EYA1: variants seen among roughly 807,000 people sequenced by gnomAD.
The protein encoded by EYA1 is protein phosphatase EYA1.
Under a neutral mutation model 82.0 loss-of-function variants are expected in EYA1, and 16 were observed. The ratio of observed to expected loss-of-function variants is 0.20; its 90% CI spans 0.13 to 0.30. The LOEUF (loss-of-function observed/expected upper bound fraction) is 0.30, where lower values mean the gene tolerates loss of function less well. Ranked by LOEUF, EYA1 falls within the 10% of genes least tolerant of loss-of-function variation. EYA1 has a pLI of 1.00. For missense variants in EYA1, 633 were observed against 730.7 expected, an observed-to-expected ratio of 0.87 and a Z score of 1.54; for synonymous variants, 261 against 264.4, an observed-to-expected ratio of 0.99 and a Z score of 0.12.
chr8:71,235,611 A>T (rs748086462), intron 12 of EYA1, among the ~76,000 whole-genome samples: 1 of 152,170 alleles, frequency 6.6e-6, no homozygotes, highest in Non-Finnish European at 1.5e-5. Flanking sequence ...TTTTGTTTAC[A>T]TACTGTTTAT....
rs1040803850 is a variant in EYA1 at position 71,334,001 on chromosome 8, A to T, written c.202+96T>A. The T allele has an allele frequency of 8.2e-5, 69 of 836,966 alleles. No homozygotes were observed. In the African/African-American group the frequency reaches 1.1e-3, roughly 13 times the overall value. The allele number at this position is 836,966 out of a possible 1,614,324, so 51.8% of individuals were successfully genotyped here. A position where few individuals can be genotyped will look rare whatever the true frequency, so the allele number is the denominator to read the frequency against. On this transcript the variant is annotated intron_variant, in intron 4 of 17. Coordinates refer to ENST00000340726, the MANE Select transcript of EYA1 (RefSeq NM_000503.6). ...TACGTATATACCCACATATATACAC[A>T]TATACATGTATACATATACATACAC...
intron 2 of EYA1, among the ~76,000 whole-genome samples, chr8:71,527,956 C>G (rs1813942783): frequency 6.6e-6 from 1 of 152,136 alleles, no homozygotes; most frequent in African/African-American, 2.4e-5. Context: ...TACCAGATTT[C>G]TTTAAGTATT....
chr8:71,361,927 GA>G lies in EYA1; in HGVS notation c.-336del, dbSNP rs926949821. 50 of 985,466 alleles carry G rather than the reference GA, an allele frequency of 5.1e-5. No individual in the cohort carries two copies. The highest frequency in any genetic ancestry group is 3.3e-4 in the South Asian group (7 of 21,292). The allele number at this position is 985,466 out of a possible 1,614,324, so 61.0% of individuals were successfully genotyped here. A position where few individuals can be genotyped will look rare whatever the true frequency, so the allele number is the denominator to read the frequency against. On this transcript the variant is annotated 5_prime_UTR_variant, in exon 1 of 18. It removes the in-frame stop codon of an upstream open reading frame in the 5' UTR. Transcript: ENST00000340726. ...AACCCGCCACAGTGGACGGCAACAGGAAGGCTTAAAGTCGGAAGTGGCACTG... is the reference window on the plus strand; with the variant it reads ...AACCCGCCACAGTGGACGGCAACAGGAGGCTTAAAGTCGGAAGTGGCACTG...
intron 2 of EYA1, among the ~76,000 whole-genome samples, chr8:71,420,353 C>T (rs1831080151): frequency 6.6e-6 from 1 of 152,170 alleles, no homozygotes; most frequent in East Asian, 1.9e-4. Flanking sequence ...TTTATCATTG[C>T]TTACAAAGCA....
chr8:71,463,632 TCCCTCC>T (rs1808566800), intron 2 of EYA1, among the ~76,000 whole-genome samples: 1 of 32,440 alleles, frequency 3.1e-5, no homozygotes, highest in Admixed American at 3.9e-4. Flanking sequence ...TCTCTCTCTC[TCCCTCC>T]CTCCCCCCTC....
At chr8:71,467,917 G>A (rs995605264) in intron 2 of EYA1, among the ~76,000 whole-genome samples, 1 of 152,018 alleles carries the variant, frequency 6.6e-6, no homozygotes, top group Non-Finnish European at 1.5e-5. Flanking sequence ...GATTTACTAA[G>A]TCTCGGTTCA....
intron 2 of EYA1, among the ~76,000 whole-genome samples, chr8:71,403,200 C>T (rs1369301241): frequency 6.6e-6 from 1 of 152,118 alleles, no homozygotes; most frequent in Non-Finnish European, 1.5e-5. Flanking sequence ...AGCAAATCTC[C>T]ACACTTGATT....
intron 2 of EYA1, among the ~76,000 whole-genome samples, chr8:71,456,005 A>G (rs1807867857): frequency 6.6e-6 from 1 of 152,184 alleles, no homozygotes; most frequent in Non-Finnish European, 1.5e-5. Context: ...TATGTAGAAA[A>G]CCCCATTATC....
intron 2 of EYA1, among the ~76,000 whole-genome samples, chr8:71,416,619 C>A (rs1830866374): frequency 6.6e-6 from 1 of 152,162 alleles, no homozygotes; most frequent in Non-Finnish European, 1.5e-5. Context: ...CCTAGGTGAT[C>A]CTCATCCATT....
chr8:71,509,361 G>T (rs987893444), intron 2 of EYA1, among the ~76,000 whole-genome samples: 1 of 152,002 alleles, frequency 6.6e-6, no homozygotes, highest in African/African-American at 2.4e-5. Context: ...TTTACATAAG[G>T]TTAACGTTTT....
At chr8:71,248,933 CTTTAG>C (rs1028541541) in intron 11 of EYA1, among the ~76,000 whole-genome samples, 5 of 152,168 alleles carry the variant, frequency 3.3e-5, no homozygotes, top group Non-Finnish European at 7.4e-5. Flanking sequence ...ATCACCAGGT[CTTTAG>C]TTTAATCTTA....
At chr8:71,379,859 AT>A (rs1357849166) in intron 2 of EYA1, among the ~76,000 whole-genome samples, 1 of 152,210 alleles carries the variant, frequency 6.6e-6, no homozygotes, top group African/African-American at 2.4e-5. Flanking sequence ...TTCAAAAAGC[AT>A]CATGCTAACA....
chr8:71,425,104 C>CAAAA (rs71264555), intron 2 of EYA1, among the ~76,000 whole-genome samples: 99 of 75,260 alleles, frequency 1.3e-3, no homozygotes, highest in African/African-American at 3.2e-3. Context: ...ACTAAAAATA[C>CAAAA]AAAAAAAAAA....
intron 17 of EYA1, among the ~76,000 whole-genome samples, chr8:71,199,717 G>A (rs970690963): frequency 8.5e-5 from 13 of 152,284 alleles, no homozygotes; most frequent in Admixed American, 5.9e-4. Flanking sequence ...ATAAAAGAAC[G>A]TTGCCAAATA....
At chr8:71,344,864 G>T (rs190100779) in intron 3 of EYA1, among the ~76,000 whole-genome samples, 182 of 152,276 alleles carry the variant, frequency 1.2e-3, no homozygotes, top group African/African-American at 4.3e-3. Flanking sequence ...TTGCCTAAAA[G>T]GCAATCAATC....
chr8:71,447,794 A>G (rs1807008146), intron 2 of EYA1, among the ~76,000 whole-genome samples: 1 of 152,224 alleles, frequency 6.6e-6, no homozygotes, highest in African/African-American at 2.4e-5. Flanking sequence ...ATTTCTAAAA[A>G]GTGCAAATAA....
At chr8:71,430,983 A>G (rs565466220) in intron 2 of EYA1, among the ~76,000 whole-genome samples, 2 of 152,122 alleles carry the variant, frequency 1.3e-5, no homozygotes, top group South Asian at 4.1e-4. Context: ...AGTCCTTTGT[A>G]GAGTCAAGGT....
At chr8:71,331,295 CAT>C (rs1301072330) in intron 4 of EYA1, among the ~76,000 whole-genome samples, 2 of 139,972 alleles carry the variant, frequency 1.4e-5, no homozygotes, top group East Asian at 2.0e-4. Flanking sequence ...CATATATATA[CAT>C]ATATATATTT....
At chr8:71,446,542 A>G (rs1806894505) in intron 2 of EYA1, among the ~76,000 whole-genome samples, 1 of 152,176 alleles carries the variant, frequency 6.6e-6, no homozygotes, top group African/African-American at 2.4e-5. Flanking sequence ...CAACCATAAT[A>G]TCCGTTACCT....
Sources: gnomAD v4.1 joint callset for allele counts (sites outside exome capture counted in the v4.1 genomes callset) on GRCh38, gnomAD v4.1.1 for gene constraint, MANE v1.5 for transcripts, NCBI Gene and HGNC (gene_info 2026-07-23, HGNC 2026-07-21) for gene names.